Variants in EDARADD observed in about 807,000 individuals in gnomAD.
EDARADD encodes the protein EDAR associated via death domain, also known as ectodysplasin-A receptor-associated adapter protein.
A neutral mutation model predicts 25.6 loss-of-function variants in EDARADD; 20 were observed. The observed-to-expected ratio is 0.78, with a 90% CI of 0.55 to 1.14. The LOEUF (loss-of-function observed/expected upper bound fraction) is 1.14, where lower values mean the gene tolerates loss of function less well. Among genes scored for constraint, EDARADD ranks in the 50% most tolerant of loss-of-function variants. EDARADD has a pLI of 0.00. For missense variants in EDARADD, 225 were observed against 270.1 expected (o/e 0.83, Z 1.17); for synonymous variants, 86 against 94.4 (o/e 0.91, Z 0.52).
intron 5 of EDARADD, among the ~76,000 whole-genome samples, chr1:236,478,553 A>G (rs1057406420): frequency 6.6e-6 from 1 of 152,042 alleles, no homozygotes; most frequent in Non-Finnish European, 1.5e-5. Flanking sequence ...CATTCGCAGT[A>G]ACCTGGATGG....
chr1:236,451,191 G>T (rs1447706420), intron 4 of EDARADD, among the ~76,000 whole-genome samples: 1 of 152,106 alleles, frequency 6.6e-6, no homozygotes, highest in Non-Finnish European at 1.5e-5. Context: ...CTATCGCCAT[G>T]GCCTCTGGAG....
chr1:236,362,296 A>G (rs1667060235), intron 3 of EDARADD, among the ~76,000 whole-genome samples: 1 of 152,170 alleles, frequency 6.6e-6, no homozygotes. Context: ...GTATGGAACA[A>G]CCGATGATGT....
At chr1:236,371,263 T>C (rs1173642733) in intron 3 of EDARADD, among the ~76,000 whole-genome samples, 5 of 152,240 alleles carry the variant, frequency 3.3e-5, no homozygotes, top group Non-Finnish European at 7.3e-5. Context: ...GGCTTTTGTA[T>C]ATTAATGTTG....
intron 4 of EDARADD, among the ~76,000 whole-genome samples, chr1:236,461,338 A>G (rs1256932707): frequency 1.3e-5 from 2 of 152,124 alleles, no homozygotes; most frequent in African/African-American, 4.8e-5. Flanking sequence ...GTATATGGAG[A>G]TAGGGGTCTA....
chr1:236,434,289 G>A (rs1658184319), intron 4 of EDARADD, among the ~76,000 whole-genome samples: 1 of 151,990 alleles, frequency 6.6e-6, no homozygotes, highest in Admixed American at 6.6e-5. Flanking sequence ...CCAGGCTGGA[G>A]TGCGGTGGTG....
intron 3 of EDARADD, among the ~76,000 whole-genome samples, chr1:236,374,508 ATT>A (rs1667203985): frequency 2.0e-5 from 3 of 152,192 alleles, no homozygotes; most frequent in African/African-American, 7.2e-5. Flanking sequence ...GGCTCGAGCT[ATT>A]TCCAACCACA....
intron 4 of EDARADD, among the ~76,000 whole-genome samples, chr1:236,457,999 T>C (rs902420417): frequency 1.3e-5 from 2 of 152,252 alleles, no homozygotes; most frequent in East Asian, 1.9e-4. Context: ...CATGCAGTGC[T>C]CTGCTGGCTG....
intron 4 of EDARADD, among the ~76,000 whole-genome samples, chr1:236,442,802 C>A (rs1332245173): frequency 1.3e-5 from 2 of 152,164 alleles, no homozygotes; most frequent in African/African-American, 2.4e-5. Context: ...TGGAGATGTA[C>A]AAGGAAATTA....
At chr1:236,431,415 TAAAC>T in intron 4 of EDARADD, among the ~76,000 whole-genome samples, 1 of 152,278 alleles carries the variant, frequency 6.6e-6, no homozygotes, top group Non-Finnish European at 1.5e-5. Context: ...ACCTGTCTCT[TAAAC>T]AAAACAAAAC....
intron 4 of EDARADD, 100 bp from the exon 5 acceptor site, chr1:236,468,119 ACCCACCCCAGCC>A: frequency 9.7e-7 from 1 of 1,030,048 alleles, no homozygotes; most frequent in Non-Finnish European, 1.5e-6. Context: ...CAGTCCCTCC[ACCCACCCCAGCC>A]CCCAGGGTTT....
chr1:236,453,603 G>A (rs1015541260), intron 4 of EDARADD, among the ~76,000 whole-genome samples: 13 of 152,062 alleles, frequency 8.5e-5, no homozygotes, highest in African/African-American at 2.7e-4. Flanking sequence ...TTTTTACTGT[G>A]CCTCTTCTGT....
chr1:236,411,583 C>A (rs57637427), intron 2 of EDARADD, among the ~76,000 whole-genome samples: 22,827 of 150,536 alleles, frequency 0.15, 1,888 homozygotes, highest in African/African-American at 0.21. Context: ...ACTCTTGTCG[C>A]CCAGCTGGAG....
intron 4 of EDARADD, among the ~76,000 whole-genome samples, chr1:236,428,868 CTCTG>C (rs1004281658): frequency 6.6e-6 from 1 of 151,988 alleles, no homozygotes; most frequent in African/African-American, 2.4e-5. Context: ...GTGAGCGAGA[CTCTG>C]TCTGCAATCC....
intron 4 of EDARADD, among the ~76,000 whole-genome samples, chr1:236,459,614 T>C (rs1658984239): frequency 9.6e-6 from 1 of 103,768 alleles, no homozygotes; most frequent in Admixed American, 9.2e-5. Flanking sequence ...TTTAGCTCTT[T>C]TTTTTTTTTT....
chr1:236,411,988 C>T (rs190980373), intron 2 of EDARADD, among the ~76,000 whole-genome samples: 77 of 152,216 alleles, frequency 5.1e-4, no homozygotes, highest in Non-Finnish European at 9.1e-4. Context: ...GACTTCAACA[C>T]ATCTGGTTTG....
chr1:236,380,822 C>A (rs567075330), intron 3 of EDARADD, among the ~76,000 whole-genome samples: 2 of 152,308 alleles, frequency 1.3e-5, no homozygotes, highest in South Asian at 2.1e-4. Flanking sequence ...CTCCTGGCCT[C>A]AAGTGATCTT....
intron 3 of EDARADD, among the ~76,000 whole-genome samples, chr1:236,377,772 C>A (rs951793615): frequency 5.9e-5 from 9 of 151,746 alleles, no homozygotes; most frequent in Non-Finnish European, 1.2e-4. Context: ...GCAGGAGAAT[C>A]GCTTGAACCC....
chr1:236,446,951 G>T (rs1437812926), intron 4 of EDARADD, among the ~76,000 whole-genome samples: 1 of 152,166 alleles, frequency 6.6e-6, no homozygotes, highest in Non-Finnish European at 1.5e-5. Flanking sequence ...GTGCTGAGAT[G>T]TGGTGGTAAA....
intron 4 of EDARADD, among the ~76,000 whole-genome samples, chr1:236,452,212 T>A (rs1460543062): frequency 6.6e-6 from 1 of 152,154 alleles, no homozygotes; most frequent in Non-Finnish European, 1.5e-5. Flanking sequence ...TCACTTGGCT[T>A]GGATGGGGCA....
Sources: gnomAD v4.1 joint callset for allele counts (sites outside exome capture counted in the v4.1 genomes callset) on GRCh38, gnomAD v4.1.1 for gene constraint, MANE v1.5 for transcripts, NCBI Gene and HGNC (gene_info 2026-07-23, HGNC 2026-07-21) for gene names.